Variants in BLMH observed in about 807,000 individuals in gnomAD.
BLMH encodes the protein bleomycin hydrolase.
Under a neutral mutation model 61.6 loss-of-function variants are expected in BLMH, and 32 were observed. The observed-to-expected ratio is 0.52, with a 90% CI of 0.39 to 0.70. The LOEUF is 0.70. BLMH is among the 30% of genes least tolerant of loss of function. BLMH has a pLI of 0.00. For synonymous variants in BLMH, 183 were observed against 193.8 expected (o/e 0.94, Z 0.46); for missense variants, 460 against 555.5 (o/e 0.83, Z 1.73).
rs1441403270 is a variant in BLMH at position 30,289,364 on chromosome 17, G to T, written c.321+9C>A. Reference sequence around the variant, plus strand: ...ATACAAAAAGAATCTTGCCAGATCTGTCCCATACCTTGTCCCAAAAAAACA... The same window carrying T: ...ATACAAAAAGAATCTTGCCAGATCTTTCCCATACCTTGTCCCAAAAAAACA... On this transcript the variant is annotated intron_variant, in intron 3 of 11. Coordinates refer to ENST00000261714, the MANE Select transcript of BLMH (RefSeq NM_000386.4). The T allele has an allele frequency of 6.4e-7, 1 of 1,556,826 alleles. No individual in the cohort carries two copies. The highest frequency in any genetic ancestry group is 1.1e-5 in the South Asian group (1 of 88,696).
At chr17:30,274,449 G>A (rs1908364120) in intron 6 of BLMH, among the ~76,000 whole-genome samples, 1 of 152,174 alleles carries the variant, frequency 6.6e-6, no homozygotes, top group Non-Finnish European at 1.5e-5. Flanking sequence ...TTAGTGCTTA[G>A]TACTTGTCCT....
chr17:30,253,674 G>A (rs1907733640), intron 11 of BLMH, among the ~76,000 whole-genome samples: 1 of 151,848 alleles, frequency 6.6e-6, no homozygotes, highest in African/African-American at 2.4e-5. Flanking sequence ...GCATTCCAAG[G>A]AAAAAAGAAA....
chr17:30,265,010 T>C (rs1219724978), intron 11 of BLMH, among the ~76,000 whole-genome samples: 1 of 152,162 alleles, frequency 6.6e-6, no homozygotes. Flanking sequence ...AACCACCAAT[T>C]TTAAAAAGTA....
chr17:30,251,200 A>C (rs1907658742), intron 11 of BLMH, among the ~76,000 whole-genome samples: 1 of 152,186 alleles, frequency 6.6e-6, no homozygotes, highest in Admixed American at 6.5e-5. Flanking sequence ...TATCCATGTA[A>C]CCAAAACCCA....
At position 30,254,591 on chromosome 17, in the gene BLMH, C is replaced by T. The variant is rs146113065; in HGVS notation, c.1217-5423G>A. 3.2e-4 allele frequency among the ~76,000 whole-genome samples: 48 copies of T among 151,978 alleles called. 1 individual carries two copies. The highest frequency in any genetic ancestry group is 1.1e-3 in the African/African-American group (45 of 41,442). On this transcript the variant is annotated intron_variant, in intron 11 of 11. Coordinates refer to ENST00000261714, the MANE Select transcript of BLMH (RefSeq NM_000386.4). ...CAACTATGTTACAAATATAGATGCACATGAAAAAAAACCATGAAAAACAAT... is the reference window on the plus strand; with the variant it reads ...CAACTATGTTACAAATATAGATGCATATGAAAAAAAACCATGAAAAACAAT...
intron 10 of BLMH, among the ~76,000 whole-genome samples, chr17:30,269,785 T>A (rs777403988): frequency 3.9e-5 from 6 of 152,166 alleles, no homozygotes; most frequent in Admixed American, 6.5e-5. Context: ...TACATGAGGA[T>A]CAGGAGTATC....
At chr17:30,282,667 A>C (rs1402607560) in intron 6 of BLMH, among the ~76,000 whole-genome samples, 1 of 152,254 alleles carries the variant, frequency 6.6e-6, no homozygotes, top group African/African-American at 2.4e-5. Context: ...CTCAGTAAGA[A>C]TGCCTTTAGC....
intron 2 of BLMH, among the ~76,000 whole-genome samples, chr17:30,289,887 C>T (rs1459965782): frequency 6.6e-6 from 1 of 152,054 alleles, no homozygotes; most frequent in East Asian, 1.9e-4. Context: ...AACCTTTTTA[C>T]TAATATGAAA....
At chr17:30,251,831 TTA>T (rs1321712529) in intron 11 of BLMH, among the ~76,000 whole-genome samples, 14 of 152,240 alleles carry the variant, frequency 9.2e-5, no homozygotes, top group Non-Finnish European at 1.9e-4. Context: ...AAAACATTCT[TTA>T]TGTGGACTAA....
intron 6 of BLMH, among the ~76,000 whole-genome samples, 153 bp from the exon 7 acceptor site, chr17:30,274,350 T>C (rs1020268511): frequency 2.6e-5 from 4 of 152,186 alleles, no homozygotes; most frequent in African/African-American, 7.2e-5. Context: ...CGTCAAAAAC[T>C]GGAAAGCCGA....
intron 11 of BLMH, among the ~76,000 whole-genome samples, chr17:30,256,390 G>A (rs539141734): frequency 3.9e-5 from 6 of 152,098 alleles, no homozygotes; most frequent in East Asian, 1.9e-4. Flanking sequence ...GTGCAGTGGC[G>A]TGATCTCAGT....
Position 30,286,883 on chromosome 17 carries a change from A to G in BLMH, c.483T>C (p.Pro161=), listed in dbSNP as rs1304972664. 4.4e-6 allele frequency: 7 copies of G among 1,591,234 alleles called. No individual in the cohort carries two copies. Among genetic ancestry groups the G allele is most frequent in the Non-Finnish European group, 5.2e-6 (6 of 1,159,644 alleles). ...VNIVEKYGVI[P]KKCFPESYTT... ...TATAAGATTCAGGGAAGCATTTCTT[A>G]GGGATAACACCATATTTTTCTAAAA... The change falls in exon 5 of 12, where the codon CCT becomes CCC. Residue 161 remains proline, a synonymous_variant. Coordinates refer to ENST00000261714, the MANE Select transcript of BLMH (RefSeq NM_000386.4).
At chr17:30,281,036 G>T (rs1908571463) in intron 6 of BLMH, among the ~76,000 whole-genome samples, 1 of 151,206 alleles carries the variant, frequency 6.6e-6, no homozygotes, top group African/African-American at 2.4e-5. Context: ...CTACTTTCTG[G>T]TAGGGAATGA....
At chr17:30,273,518 G>A (rs1908336363) in intron 7 of BLMH, 1 of 159,046 alleles carries the variant, frequency 6.3e-6, no homozygotes, top group Non-Finnish European at 1.4e-5. Context: ...AAATTGGAGA[G>A]CTAATCACAA....
At chr17:30,267,325 G>A (rs1372251003) in intron 10 of BLMH, among the ~76,000 whole-genome samples, 2 of 152,158 alleles carry the variant, frequency 1.3e-5, no homozygotes, top group African/African-American at 4.8e-5. Flanking sequence ...TGAAGCTGGG[G>A]ATTCTTGCTT....
intron 11 of BLMH, among the ~76,000 whole-genome samples, chr17:30,262,033 G>A (rs529245863): frequency 6.6e-6 from 1 of 152,258 alleles, no homozygotes; most frequent in Admixed American, 6.5e-5. Flanking sequence ...AGGAACAAAA[G>A]CAATGTGAAA....
chr17:30,281,466 C>G (rs1038972235), intron 6 of BLMH, among the ~76,000 whole-genome samples: 2 of 152,102 alleles, frequency 1.3e-5, no homozygotes, highest in Non-Finnish European at 2.9e-5. Flanking sequence ...CTTGCTTCTT[C>G]AATTATTACT....
At chr17:30,255,221 C>A (rs1388762540) in intron 11 of BLMH, among the ~76,000 whole-genome samples, 1 of 152,042 alleles carries the variant, frequency 6.6e-6, no homozygotes, top group Non-Finnish European at 1.5e-5. Flanking sequence ...TTTGCTGTAC[C>A]TTTTCTATGT....
intron 11 of BLMH, among the ~76,000 whole-genome samples, chr17:30,256,948 T>C (rs1907834450): frequency 6.6e-6 from 1 of 152,224 alleles, no homozygotes; most frequent in African/African-American, 2.4e-5. Context: ...ACAGGGTATG[T>C]TGCAAATGTG....
Sources: allele counts gnomAD v4.1 joint callset (sites outside exome capture counted in the v4.1 genomes callset), GRCh38; gene constraint gnomAD v4.1.1; transcripts MANE v1.5; gene names NCBI Gene and HGNC (gene_info 2026-07-23, HGNC 2026-07-21).